TENM3: variants seen among roughly 807,000 people sequenced by gnomAD.
The protein encoded by TENM3 is teneurin-3.
TENM3 carries 63 observed loss-of-function variants against 255.1 expected under a neutral mutation model. The ratio of observed to expected loss-of-function variants is 0.25; its 90% confidence interval spans 0.20 to 0.30. The LOEUF is 0.30. TENM3 is among the 10% of genes least tolerant of loss of function. The pLI, the probability that TENM3 is intolerant of heterozygous loss-of-function variation, is 1.00. For synonymous variants in TENM3, 1,306 were observed against 1,322.3 expected (o/e 0.99, Z 0.27); for missense variants, 2,929 against 3,461.1 (o/e 0.85, Z 3.86).
At chr4:181,551,837 TA>T in the TENM3 span, among the ~76,000 whole-genome samples, 1 of 18,420 alleles carries the variant, frequency 5.4e-5, no homozygotes, top group Admixed American at 6.7e-4. Context: ...TATATATGTA[TA>T]TGTGTGTGTG....
the TENM3 span, among the ~76,000 whole-genome samples, chr4:181,796,717 C>T: frequency 2.0e-5 from 3 of 152,164 alleles, no homozygotes; most frequent in Non-Finnish European, 4.4e-5. Context: ...TCAGCAGGAG[C>T]GAGTTCATGA....
chr4:181,930,238 T>G, the TENM3 span, among the ~76,000 whole-genome samples: 1 of 152,104 alleles, frequency 6.6e-6, no homozygotes, highest in African/African-American at 2.4e-5. Context: ...GCTGGTTTTT[T>G]GAAAATATTA....
intron 12 of TENM3, 75 bp from the exon 13 acceptor site, chr4:182,714,012 G>A (rs1561146419): frequency 4.7e-6 from 6 of 1,264,526 alleles, no homozygotes; most frequent in Non-Finnish European, 5.7e-6. Context: ...CCCACTAAGT[G>A]TCCCTTATCT....
At chr4:182,277,705 A>G (rs1760100709) in intron 1 of TENM3, among the ~76,000 whole-genome samples, 2 of 152,218 alleles carry the variant, frequency 1.3e-5, no homozygotes, top group African/African-American at 4.8e-5. Context: ...GTTCTCTACC[A>G]TATCCAACTA....
chr4:182,670,243 G>A (rs1367181655), intron 6 of TENM3, among the ~76,000 whole-genome samples: 1 of 152,122 alleles, frequency 6.6e-6, no homozygotes, highest in Non-Finnish European at 1.5e-5. Context: ...TAATCTAAGA[G>A]TTGATGTGTG....
the TENM3 span, among the ~76,000 whole-genome samples, chr4:181,600,801 C>T: frequency 6.6e-6 from 1 of 151,226 alleles, no homozygotes; most frequent in African/African-American, 2.4e-5. Context: ...TCATTAGCAC[C>T]ATTTTCCAAT....
the TENM3 span, among the ~76,000 whole-genome samples, chr4:181,961,524 A>T: frequency 9.2e-5 from 14 of 152,062 alleles, no homozygotes; most frequent in Admixed American, 7.9e-4. Flanking sequence ...GGTTCAAGCC[A>T]TTCTCCTGCC....
chr4:182,415,686 G>T (rs1211296748), intron 3 of TENM3, among the ~76,000 whole-genome samples: 1 of 152,176 alleles, frequency 6.6e-6, no homozygotes, highest in Non-Finnish European at 1.5e-5. Flanking sequence ...AGTATTCTAA[G>T]TGTGCTAAAT....
At chr4:182,194,209 C>A (rs997434993) in intron 1 of TENM3, among the ~76,000 whole-genome samples, 1 of 152,098 alleles carries the variant, frequency 6.6e-6, no homozygotes, top group Non-Finnish European at 1.5e-5. Flanking sequence ...TTAGTGCAGG[C>A]AAATCAAATG....
At position 182,626,368 on chromosome 4, in the gene TENM3, T is replaced by C. The variant is rs138631772; in HGVS notation, c.750-2283T>C. ...AATTATACTTTTTTGGTCCTTTGAA[T>C]AGAGACTGTGATATGTGATTTTGAG... On this transcript the variant is annotated intron_variant, in intron 4 of 27. Coordinates refer to ENST00000511685, the MANE Select transcript of TENM3 (RefSeq NM_001080477.4). 3.3e-3 allele frequency among the ~76,000 whole-genome samples: 503 copies of C among 152,342 alleles called. 2 individuals carry two copies. The highest frequency in any genetic ancestry group is 4.7e-3 in the Non-Finnish European group (323 of 68,028).
At chr4:182,006,191 TG>T in the TENM3 span, among the ~76,000 whole-genome samples, 2 of 152,202 alleles carry the variant, frequency 1.3e-5, no homozygotes, top group Non-Finnish European at 2.9e-5. Flanking sequence ...AATATAATAT[TG>T]GCTGTGAGTT....
At chr4:181,889,079 A>G in the TENM3 span, among the ~76,000 whole-genome samples, 1 of 152,184 alleles carries the variant, frequency 6.6e-6, no homozygotes, top group Non-Finnish European at 1.5e-5. Context: ...TAAATCAACC[A>G]TCACACTACA....
chr4:181,573,017 T>C, the TENM3 span, among the ~76,000 whole-genome samples: 18 of 145,750 alleles, frequency 1.2e-4, no homozygotes, highest in Admixed American at 4.8e-4. Flanking sequence ...GCCTAGCTTA[T>C]TTCACTTAAC....
intron 25 of TENM3, among the ~76,000 whole-genome samples, chr4:182,790,969 C>T (rs1337058842): frequency 6.6e-6 from 1 of 152,252 alleles, no homozygotes; most frequent in South Asian, 2.1e-4. Flanking sequence ...CTCATCGTCT[C>T]TCCCAAAACC....
At chr4:181,964,944 G>C in the TENM3 span, among the ~76,000 whole-genome samples, 5 of 152,150 alleles carry the variant, frequency 3.3e-5, no homozygotes, top group African/African-American at 1.2e-4. Context: ...AGCCACGTTA[G>C]GGCATTTTCT....
chr4:182,320,948 T>C (rs1208737819), intron 1 of TENM3, among the ~76,000 whole-genome samples: 1 of 152,208 alleles, frequency 6.6e-6, no homozygotes, highest in Non-Finnish European at 1.5e-5. Context: ...AGTACCAAAA[T>C]GCATACATAT....
the TENM3 span, among the ~76,000 whole-genome samples, chr4:181,930,186 TA>T: frequency 6.7e-6 from 1 of 149,006 alleles, no homozygotes; most frequent in Non-Finnish European, 1.5e-5. Flanking sequence ...GCAGAACTGA[TA>T]AAAACACGAA....
chr4:181,447,781 C>A, the TENM3 span, among the ~76,000 whole-genome samples: 22 of 152,138 alleles, frequency 1.4e-4, no homozygotes, highest in Non-Finnish European at 2.5e-4. Context: ...CGGTGAGTAC[C>A]CATGTGCGGC....
the TENM3 span, among the ~76,000 whole-genome samples, chr4:181,632,945 T>A: frequency 6.6e-6 from 1 of 152,216 alleles, no homozygotes; most frequent in Admixed American, 6.5e-5. Context: ...TTGTTCTGTT[T>A]CCTTGACTTA....
Sources: gnomAD v4.1 joint callset for allele counts (sites outside exome capture counted in the v4.1 genomes callset) on GRCh38, gnomAD v4.1.1 for gene constraint, MANE v1.5 for transcripts, NCBI Gene and HGNC (gene_info 2026-07-23, HGNC 2026-07-21) for gene names.